The following CDH4 variants were observed in gnomAD, a reference collection of about 807,000 sequenced individuals.
CDH4 encodes the protein cadherin-4.
A neutral mutation model predicts 86.0 loss-of-function variants in CDH4; 33 were observed. That is an observed-to-expected ratio of 0.38 (90% CI 0.29 to 0.51). CDH4 has a LOEUF of 0.51. Ranked by LOEUF, CDH4 falls within the 20% of genes least tolerant of loss-of-function variation. CDH4 has a pLI of 0.86. For missense variants in CDH4, 1,114 were observed against 1,307.4 expected (o/e 0.85, Z 2.28); for synonymous variants, 555 against 549.4 (o/e 1.01, Z -0.14).
chr20:61,729,801 C>T (rs2088157100), intron 2 of CDH4, among the ~76,000 whole-genome samples: 1 of 152,162 alleles, frequency 6.6e-6, no homozygotes, highest in Non-Finnish European at 1.5e-5. Context: ...TGTGAGATTA[C>T]AGCGTTGGAT....
intron 2 of CDH4, among the ~76,000 whole-genome samples, chr20:61,505,177 G>T (rs905131146): frequency 1.3e-5 from 2 of 152,162 alleles, no homozygotes; most frequent in Non-Finnish European, 2.9e-5. Flanking sequence ...TCATTGTGGG[G>T]TGTTTCACCG....
At chr20:61,638,008 G>A (rs2086965509) in intron 2 of CDH4, among the ~76,000 whole-genome samples, 1 of 124,522 alleles carries the variant, frequency 8.0e-6, no homozygotes, top group African/African-American at 3.2e-5. Context: ...TCCAGCCTGG[G>A]CAACAAGAAT....
At chr20:61,916,573 C>T (rs991247775) in intron 9 of CDH4, among the ~76,000 whole-genome samples, 4 of 152,170 alleles carry the variant, frequency 2.6e-5, no homozygotes, top group South Asian at 2.1e-4. Context: ...ACTGCTGTCC[C>T]GAGCTGGGGA....
At chr20:61,383,631 CATATATGAATATGTATGAATGTATATAT>C (rs763694352) in intron 2 of CDH4, among the ~76,000 whole-genome samples, 306 of 1,550 alleles carry the variant, frequency 0.2, no homozygotes, top group Non-Finnish European at 0.34. Flanking sequence ...TGATATATAT[CATATATGAATATGTATGAATGTATATAT>C]TATATATGAT....
At chr20:61,605,260 C>T (rs775489738) in intron 2 of CDH4, among the ~76,000 whole-genome samples, 2 of 152,226 alleles carry the variant, frequency 1.3e-5, no homozygotes, top group South Asian at 4.2e-4. Context: ...ACGAAGGCCC[C>T]TCTGTGAAGC....
At chr20:61,919,042 T>A (rs1016586784) in intron 9 of CDH4, among the ~76,000 whole-genome samples, 2 of 152,188 alleles carry the variant, frequency 1.3e-5, no homozygotes, top group African/African-American at 4.8e-5. Flanking sequence ...AACTAATTTC[T>A]TTTTGTTTTG....
intron 2 of CDH4, among the ~76,000 whole-genome samples, chr20:61,584,963 C>G (rs749033614): frequency 6.6e-6 from 1 of 152,208 alleles, no homozygotes; most frequent in Non-Finnish European, 1.5e-5. Flanking sequence ...GGAAAGCCAT[C>G]GCCGATGTGA....
chr20:61,413,234 C>T (rs963909332), intron 2 of CDH4, among the ~76,000 whole-genome samples: 10 of 144,366 alleles, frequency 6.9e-5, no homozygotes, highest in African/African-American at 2.5e-4. Context: ...CCTGGGTGGC[C>T]TCCTTGCCTT....
chr20:61,893,043 G>A (rs1345070145), intron 7 of CDH4, among the ~76,000 whole-genome samples: 24 of 143,008 alleles, frequency 1.7e-4, no homozygotes, highest in South Asian at 6.9e-4. Context: ...ATAGATGGAT[G>A]GGTGGGTGAA....
chr20:61,616,035 G>A (rs913970662), intron 2 of CDH4, among the ~76,000 whole-genome samples: 3 of 152,204 alleles, frequency 2.0e-5, no homozygotes, highest in East Asian at 1.9e-4. Flanking sequence ...TCGTGGCCAC[G>A]GGCCCCCTGC....
At chr20:61,926,545 C>T (rs556366101) in intron 11 of CDH4, among the ~76,000 whole-genome samples, 4 of 152,244 alleles carry the variant, frequency 2.6e-5, no homozygotes, top group African/African-American at 7.2e-5. Flanking sequence ...GGTCCCCTGC[C>T]GCAGCTCAAG....
chr20:61,886,783 C>T (rs753345836), intron 7 of CDH4, among the ~76,000 whole-genome samples: 17 of 152,180 alleles, frequency 1.1e-4, no homozygotes, highest in Non-Finnish European at 1.9e-4. Context: ...AGTGGGAGGG[C>T]GCCGTGCCCC....
intron 2 of CDH4, among the ~76,000 whole-genome samples, chr20:61,444,348 TG>T (rs1351043143): frequency 6.2e-5 from 9 of 145,192 alleles, no homozygotes; most frequent in East Asian, 2.1e-4. Context: ...TGTGTGTGTC[TG>T]TGTATATTTT....
intron 4 of CDH4, among the ~76,000 whole-genome samples, chr20:61,835,985 C>T (rs1338939815): frequency 1.3e-5 from 2 of 152,246 alleles, no homozygotes; most frequent in African/African-American, 4.8e-5. Flanking sequence ...TACCCACAGG[C>T]TGGAGGGGAA....
At chr20:61,891,924 A>G (rs548956193) in intron 7 of CDH4, among the ~76,000 whole-genome samples, 7 of 150,610 alleles carry the variant, frequency 4.6e-5, no homozygotes, top group African/African-American at 1.7e-4. Flanking sequence ...TCCAGGTGGC[A>G]GTGGCTTACA....
chr20:61,408,895 G>T (rs1020718568), intron 2 of CDH4, among the ~76,000 whole-genome samples: 1 of 152,176 alleles, frequency 6.6e-6, no homozygotes, highest in African/African-American at 2.4e-5. Flanking sequence ...GATGGCCACG[G>T]GGTCACGGGC....
intron 2 of CDH4, among the ~76,000 whole-genome samples, chr20:61,327,448 G>A (rs760750204): frequency 6.6e-6 from 1 of 152,292 alleles, no homozygotes; most frequent in African/African-American, 2.4e-5. Context: ...TTAGGTGATT[G>A]AGAAACAGTT....
At chr20:61,785,108 G>A (rs570079144) in intron 4 of CDH4, among the ~76,000 whole-genome samples, 1 of 152,176 alleles carries the variant, frequency 6.6e-6, no homozygotes, top group African/African-American at 2.4e-5. Context: ...TGCCCAGCAT[G>A]TGGCTCTAGG....
At chr20:61,477,019 T>G (rs1278930339) in intron 2 of CDH4, among the ~76,000 whole-genome samples, 1 of 152,214 alleles carries the variant, frequency 6.6e-6, no homozygotes, top group African/African-American at 2.4e-5. Flanking sequence ...CAGGGGCTTC[T>G]GTCAGCTCAA....
Sources: allele counts gnomAD v4.1 joint callset (sites outside exome capture counted in the v4.1 genomes callset), GRCh38; gene constraint gnomAD v4.1.1; transcripts MANE v1.5; gene names NCBI Gene and HGNC (gene_info 2026-07-23, HGNC 2026-07-21).